Variants in CSTPP1 observed in about 807,000 individuals in gnomAD.
CSTPP1 encodes centriolar satellite-associated tubulin polyglutamylase complex regulator 1.
chr11:47,041,756 C>A, the CSTPP1 span: 1 of 532,708 alleles, frequency 1.9e-6, no homozygotes, highest in South Asian at 1.7e-5. Flanking sequence ...AACTTCTGGT[C>A]AAAACCATCT....
the CSTPP1 span, among the ~76,000 whole-genome samples, chr11:46,940,754 C>G: frequency 6.6e-6 from 1 of 152,108 alleles, no homozygotes; most frequent in Admixed American, 6.6e-5. Flanking sequence ...AATTTTGTAT[C>G]TAATGAATAA....
the CSTPP1 span, among the ~76,000 whole-genome samples, chr11:47,135,055 G>A: frequency 1.3e-5 from 2 of 151,962 alleles, no homozygotes; most frequent in Non-Finnish European, 1.5e-5. Flanking sequence ...ACTGCAGTGA[G>A]CTATGCCACT....
the CSTPP1 span, among the ~76,000 whole-genome samples, chr11:47,101,164 A>ATTTTTTTTTTTTTT: frequency 1.7e-3 from 53 of 30,378 alleles, 17 homozygotes; most frequent in African/African-American, 4.2e-3. Context: ...ACACCGGCTA[A>ATTTTTTTTTTTTTT]TTTTTTTTTT....
At chr11:47,044,080 A>G in the CSTPP1 span, among the ~76,000 whole-genome samples, 1 of 151,860 alleles carries the variant, frequency 6.6e-6, no homozygotes, top group African/African-American at 2.4e-5. Flanking sequence ...TCTGCCTCCC[A>G]GGTTCAACCA....
chr11:47,067,907 G>T, the CSTPP1 span, among the ~76,000 whole-genome samples: 2 of 152,114 alleles, frequency 1.3e-5, no homozygotes, highest in African/African-American at 4.8e-5. Flanking sequence ...GAAGTTGTGA[G>T]TATGGCCGTG....
chr11:46,989,624 A>C, the CSTPP1 span, among the ~76,000 whole-genome samples: 1 of 152,220 alleles, frequency 6.6e-6, no homozygotes. Context: ...TGAATATCAC[A>C]GAACTGTTTT....
the CSTPP1 span, among the ~76,000 whole-genome samples, chr11:47,015,311 A>T: frequency 6.6e-6 from 1 of 151,734 alleles, no homozygotes; most frequent in East Asian, 1.9e-4. Flanking sequence ...TACTAAAAAA[A>T]AAAAATACAA....
At chr11:46,950,024 T>C in the CSTPP1 span, among the ~76,000 whole-genome samples, 11 of 152,116 alleles carry the variant, frequency 7.2e-5, no homozygotes, top group African/African-American at 2.7e-4. Context: ...AACTGGAAAG[T>C]TCTCAAACTT....
At chr11:47,058,327 C>T in the CSTPP1 span, among the ~76,000 whole-genome samples, 1 of 151,886 alleles carries the variant, frequency 6.6e-6, no homozygotes, top group African/African-American at 2.4e-5. Flanking sequence ...GACCCTGTCT[C>T]AAAAACAAAA....
the CSTPP1 span, among the ~76,000 whole-genome samples, chr11:47,007,304 T>TA: frequency 6.6e-6 from 1 of 152,320 alleles, no homozygotes; most frequent in South Asian, 2.1e-4. Flanking sequence ...GTGCTGGAAT[T>TA]ACAGTCATGA....
the CSTPP1 span, among the ~76,000 whole-genome samples, chr11:47,125,351 C>T: frequency 2.0e-5 from 3 of 152,132 alleles, no homozygotes; most frequent in Non-Finnish European, 4.4e-5. Flanking sequence ...TTCATAAGCA[C>T]GCCTACATGC....
At chr11:47,085,927 GC>G in the CSTPP1 span, among the ~76,000 whole-genome samples, 1 of 149,530 alleles carries the variant, frequency 6.7e-6, no homozygotes, top group African/African-American at 2.5e-5. Context: ...CTGAAGCATT[GC>G]TGGCAGTCTC....
At chr11:47,015,167 A>T in the CSTPP1 span, among the ~76,000 whole-genome samples, 1 of 152,194 alleles carries the variant, frequency 6.6e-6, no homozygotes, top group Non-Finnish European at 1.5e-5. Context: ...TTGAAGAAAC[A>T]GAATTTGTAG....
At chr11:47,135,477 TAA>T in the CSTPP1 span, among the ~76,000 whole-genome samples, 1 of 152,194 alleles carries the variant, frequency 6.6e-6, no homozygotes, top group Non-Finnish European at 1.5e-5. Context: ...GATTTTGAAA[TAA>T]GTCTTACCAC....
the CSTPP1 span, among the ~76,000 whole-genome samples, chr11:47,157,484 G>A: frequency 1.3e-5 from 2 of 152,310 alleles, no homozygotes; most frequent in African/African-American, 2.4e-5. Flanking sequence ...ACATTTTAGA[G>A]AGAAGGAAAG....
At chr11:46,987,274 T>G in the CSTPP1 span, 1 of 1,614,182 alleles carries the variant, frequency 6.2e-7, no homozygotes, top group Non-Finnish European at 8.5e-7. Flanking sequence ...AGGGAAGATA[T>G]TAGCCAATAT....
chr11:47,137,443 T>C, the CSTPP1 span: 2 of 1,509,482 alleles, frequency 1.3e-6, no homozygotes, highest in East Asian at 2.5e-5. Flanking sequence ...ACTGGATGCC[T>C]CCCACCCTGG....
At chr11:47,100,497 A>G in the CSTPP1 span, among the ~76,000 whole-genome samples, 1 of 152,224 alleles carries the variant, frequency 6.6e-6, no homozygotes, top group African/African-American at 2.4e-5. Context: ...TTTGTTAGCA[A>G]TAATGTTATT....
the CSTPP1 span, among the ~76,000 whole-genome samples, chr11:47,127,632 G>T: frequency 2.6e-5 from 4 of 151,776 alleles, no homozygotes; most frequent in African/African-American, 4.8e-5. Context: ...ACAAGAGCAG[G>T]TACTGTTGAT....
Sources: gnomAD v4.1 joint callset for allele counts (sites outside exome capture counted in the v4.1 genomes callset) on GRCh38, gnomAD v4.1.1 for gene constraint, MANE v1.5 for transcripts, NCBI Gene and HGNC (gene_info 2026-07-23, HGNC 2026-07-21) for gene names.